Variants in ELAPOR1 observed in about 807,000 individuals in gnomAD.
ELAPOR1 encodes endosome/lysosome-associated apoptosis and autophagy regulator 1.
In ELAPOR1, 77 loss-of-function variants were observed where a neutral mutation model predicts 119.7. That is an observed-to-expected ratio of 0.64 (90% confidence interval 0.54 to 0.78). The LOEUF (loss-of-function observed/expected upper bound fraction) is 0.78, where lower values mean the gene tolerates loss of function less well. Ranked by LOEUF, ELAPOR1 falls within the 30% of genes least tolerant of loss-of-function variation. The pLI, the probability that ELAPOR1 is intolerant of heterozygous loss-of-function variation, is 0.00. For synonymous variants in ELAPOR1, 481 were observed against 487.2 expected (o/e 0.99, Z 0.17); for missense variants, 1,115 against 1,270.4 (o/e 0.88, Z 1.86).
intron 11 of ELAPOR1, among the ~76,000 whole-genome samples, chr1:109,190,468 T>C (rs1360915933): frequency 6.6e-6 from 1 of 152,196 alleles, no homozygotes; most frequent in African/African-American, 2.4e-5. Flanking sequence ...TCTGCCCATA[T>C]GTGCTCTAAA....
chr1:109,186,331 A>G (rs78733781), intron 8 of ELAPOR1, among the ~76,000 whole-genome samples: 2,141 of 152,262 alleles, frequency 0.014, 40 homozygotes, highest in African/African-American at 0.042. Context: ...AGCTGTCTGT[A>G]TCCCTAAGCT....
In ELAPOR1 at chr1:109,204,634, T is replaced by A. The variant is rs886145480; in HGVS notation, c.*1622T>A. Reference sequence around the variant, plus strand: ...TGGCATGGGCCTGAGGTGGCCGTGATGTCTGCTTCTAAGCTTAACGCATCT... The same window carrying A: ...TGGCATGGGCCTGAGGTGGCCGTGAAGTCTGCTTCTAAGCTTAACGCATCT... On this transcript the variant is annotated 3_prime_UTR_variant, in exon 22 of 22. Transcript: ENST00000369939. 6.6e-6 allele frequency: 1 copy of A among 152,332 alleles called. No individual in the cohort carries two copies. Among genetic ancestry groups the A allele is most frequent in the Non-Finnish European group, 1.5e-5 (1 of 68,084 alleles). The allele number at this position is 152,332 out of a possible 1,614,324, so 9.4% of individuals were successfully genotyped here. A position where few individuals can be genotyped will look rare whatever the true frequency, so the allele number is the denominator to read the frequency against.
At chr1:109,185,258 T>C (rs41279684) in intron 8 of ELAPOR1, 125 bp downstream of exon 8, 109,709 of 738,882 alleles carry the variant, frequency 0.15, 9,498 homozygotes, top group Middle Eastern at 0.24. Flanking sequence ...CACAGACCTT[T>C]GAGGTGACCC....
At chr1:109,141,163 A>G (rs1364859831) in intron 1 of ELAPOR1, among the ~76,000 whole-genome samples, 1 of 151,976 alleles carries the variant, frequency 6.6e-6, no homozygotes, top group Non-Finnish European at 1.5e-5. Flanking sequence ...AATGCATTTT[A>G]TATATTATGA....
chr1:109,201,776 T>C (rs377400317), intron 21 of ELAPOR1, among the ~76,000 whole-genome samples: 9 of 152,278 alleles, frequency 5.9e-5, no homozygotes, highest in African/African-American at 2.2e-4. Context: ...CTTGAGTCTA[T>C]CTGGGACTGC....
At chr1:109,136,403 A>G (rs1384187739) in intron 1 of ELAPOR1, among the ~76,000 whole-genome samples, 1 of 152,238 alleles carries the variant, frequency 6.6e-6, no homozygotes, top group East Asian at 1.9e-4. Context: ...GGGCAGAAGC[A>G]GGGGCCAGAT....
chr1:109,193,104 G>T lies in ELAPOR1; in HGVS notation c.1947+230G>T, dbSNP rs574066552. On this transcript the variant is annotated intron_variant, in intron 14 of 21. Coordinates refer to ENST00000369939, the MANE Select transcript of ELAPOR1 (RefSeq NM_020775.5). ...TCACTGACAAGTCTCCTCTTTAGTTGGCAGGTAAGAGAGGTTGGTGACTGT... is the reference window on the plus strand; with the variant it reads ...TCACTGACAAGTCTCCTCTTTAGTTTGCAGGTAAGAGAGGTTGGTGACTGT... Among the ~76,000 whole-genome samples, 44 of 152,106 alleles carry T rather than the reference G, an allele frequency of 2.9e-4. 1 individual carries two copies. The highest frequency in any genetic ancestry group is 1.0e-3 in the African/African-American group (42 of 41,486).
intron 1 of ELAPOR1, among the ~76,000 whole-genome samples, chr1:109,141,911 C>T (rs1301911099): frequency 2.0e-5 from 3 of 151,982 alleles, no homozygotes; most frequent in Non-Finnish European, 2.9e-5. Context: ...GTGATCCTTC[C>T]GCCTTGGCCT....
At chr1:109,195,683 G>T in intron 15 of ELAPOR1, among the ~76,000 whole-genome samples, 1 of 152,192 alleles carries the variant, frequency 6.6e-6, no homozygotes, top group Non-Finnish European at 1.5e-5. Context: ...TTTGCTGACA[G>T]TATGAAAGAA....
intron 1 of ELAPOR1, among the ~76,000 whole-genome samples, chr1:109,127,766 G>A (rs1558018063): frequency 6.6e-6 from 1 of 151,528 alleles, no homozygotes; most frequent in Non-Finnish European, 1.5e-5. Flanking sequence ...GTCTCACCAT[G>A]TTGTCCAGGC....
At chr1:109,191,259 T>C in intron 11 of ELAPOR1, 107 bp from the exon 12 acceptor site, 1 of 710,876 alleles carries the variant, frequency 1.4e-6, no homozygotes, top group East Asian at 2.7e-5. Flanking sequence ...CTTTCCATCA[T>C]ACTCAGAACT....
intron 1 of ELAPOR1, among the ~76,000 whole-genome samples, chr1:109,159,439 G>T (rs1378816978): frequency 3.3e-5 from 5 of 152,172 alleles, no homozygotes; most frequent in African/African-American, 4.8e-5. Context: ...GCCTCTAAGA[G>T]GCCAATGCAG....
chr1:109,186,781 C>T (rs1653077637), intron 8 of ELAPOR1: 2 of 985,500 alleles, frequency 2.0e-6, no homozygotes, highest in African/African-American at 3.5e-5. Flanking sequence ...TCCCTTCTGC[C>T]CCATTCTCTT....
chr1:109,114,876 G>T (rs147934081), intron 1 of ELAPOR1, among the ~76,000 whole-genome samples: 2 of 152,212 alleles, frequency 1.3e-5, no homozygotes, highest in South Asian at 2.1e-4. Flanking sequence ...ATTAAACATC[G>T]GTTAGTGCAG....
chr1:109,197,469 A>C lies in ELAPOR1; in HGVS notation c.2122-5A>C, dbSNP rs758029062. On this transcript the variant is annotated splice_polypyrimidine_tract_variant and splice_region_variant and intron_variant, in intron 15 of 21. Coordinates refer to ENST00000369939, the MANE Select transcript of ELAPOR1 (RefSeq NM_020775.5). ...CCTACTTCTTCCTCCCCACTCCCCA[A>C]CCAGGGTAGGAAAATGTCTGTGTGC... 1.9e-6 allele frequency: 3 copies of C among 1,612,754 alleles called. No homozygotes were observed. The highest frequency in any genetic ancestry group is 2.7e-5 in the African/African-American group (2 of 74,858).
At chr1:109,192,498 T>C (rs1187558155) in intron 13 of ELAPOR1, 113 bp from the exon 14 acceptor site, 3 of 1,132,906 alleles carry the variant, frequency 2.6e-6, no homozygotes, top group African/African-American at 1.6e-5. Context: ...CTTCTCAGAT[T>C]CTTCTTAAGT....
At chr1:109,159,906 G>A (rs1308618530) in intron 1 of ELAPOR1, among the ~76,000 whole-genome samples, 1 of 152,064 alleles carries the variant, frequency 6.6e-6, no homozygotes, top group East Asian at 1.9e-4. Flanking sequence ...TATACACAGT[G>A]GATTTTACCC....
At chr1:109,143,494 T>A (rs998109752) in intron 1 of ELAPOR1, among the ~76,000 whole-genome samples, 2 of 152,170 alleles carry the variant, frequency 1.3e-5, no homozygotes, top group Non-Finnish European at 2.9e-5. Flanking sequence ...ATATGAAATA[T>A]GAAAATAATT....
chr1:109,147,453 G>A (rs1488801388), intron 1 of ELAPOR1, among the ~76,000 whole-genome samples: 1 of 152,162 alleles, frequency 6.6e-6, no homozygotes, highest in African/African-American at 2.4e-5. Context: ...GTTTGTGTGT[G>A]GGGGTGTGGA....
Sources: gnomAD v4.1 joint callset for allele counts (sites outside exome capture counted in the v4.1 genomes callset) on GRCh38, gnomAD v4.1.1 for gene constraint, MANE v1.5 for transcripts, NCBI Gene and HGNC (gene_info 2026-07-23, HGNC 2026-07-21) for gene names.